The following GALNTL6 variants were observed in gnomAD, a reference collection of about 807,000 sequenced individuals.
GALNTL6 encodes the protein polypeptide N-acetylgalactosaminyltransferase-like 6.
A neutral mutation model predicts 73.7 loss-of-function variants in GALNTL6; 46 were observed. That is an observed-to-expected ratio of 0.62 (90% CI 0.49 to 0.80). GALNTL6 has a LOEUF of 0.80. Among genes scored for constraint, GALNTL6 ranks in the 30% least tolerant of loss-of-function variants. The pLI is 0.00. For synonymous variants in GALNTL6, 259 were observed against 263.7 expected (o/e 0.98, Z 0.17); for missense variants, 604 against 755.0 (o/e 0.80, Z 2.34).
At chr4:172,422,450 G>A (rs149720399) in intron 5 of GALNTL6, among the ~76,000 whole-genome samples, 7 of 152,076 alleles carry the variant, frequency 4.6e-5, no homozygotes, top group South Asian at 2.1e-4. Context: ...ATGTCCAACC[G>A]TCCTGATGTT....
chr4:172,494,841 G>A (rs1351932437), intron 5 of GALNTL6, among the ~76,000 whole-genome samples: 2 of 152,146 alleles, frequency 1.3e-5, no homozygotes, highest in Non-Finnish European at 2.9e-5. Flanking sequence ...AGCTGATTAG[G>A]TGGTGCCCAC....
rs376844621 is a variant in GALNTL6, at chr4:171,991,712, A to ATGTG, written c.138+177010_138+177013dup. ...TAGACCAGAAGTTGAGTTTGATTAT[A>ATGTG]TGTGTGTGTGTGTGTGTGTATATAT... On this transcript the variant is annotated intron_variant, in intron 2 of 12. Coordinates refer to ENST00000506823, the MANE Select transcript of GALNTL6 (RefSeq NM_001034845.3). Among the ~76,000 whole-genome samples the ATGTG allele has an allele frequency of 4.7e-3, 643 of 137,280 alleles. 3 individuals carry two copies. Among genetic ancestry groups the ATGTG allele is most frequent in the Admixed American group, 9.0e-3 (119 of 13,292 alleles). The allele number at this position is 137,280 out of a possible 152,430, so 90.1% of individuals were successfully genotyped here. A position where few individuals can be genotyped will look rare whatever the true frequency, so the allele number is the denominator to read the frequency against.
At chr4:172,544,945 A>G (rs1191690692) in intron 5 of GALNTL6, among the ~76,000 whole-genome samples, 1 of 152,180 alleles carries the variant, frequency 6.6e-6, no homozygotes, top group Non-Finnish European at 1.5e-5. Flanking sequence ...CATGAATTAT[A>G]CTTCTGCAAA....
intron 12 of GALNTL6, among the ~76,000 whole-genome samples, chr4:173,024,859 A>G (rs948692852): frequency 2.0e-5 from 3 of 152,164 alleles, no homozygotes; most frequent in Non-Finnish European, 4.4e-5. Context: ...GATTACAGGC[A>G]CAAGCCACCG....
intron 2 of GALNTL6, among the ~76,000 whole-genome samples, chr4:172,064,688 T>G (rs1199523762): frequency 6.6e-6 from 1 of 152,148 alleles, no homozygotes; most frequent in African/African-American, 2.4e-5. Flanking sequence ...ACAGTTGATA[T>G]CACCTCTTTC....
intron 5 of GALNTL6, among the ~76,000 whole-genome samples, chr4:172,774,980 TA>T (rs1738991843): frequency 6.8e-6 from 1 of 148,034 alleles, no homozygotes; most frequent in Non-Finnish European, 1.5e-5. Context: ...ATAATAATAA[TA>T]ATAATAATAA....
chr4:172,088,719 T>C (rs1052527503), intron 2 of GALNTL6, among the ~76,000 whole-genome samples: 1 of 152,210 alleles, frequency 6.6e-6, no homozygotes, highest in African/African-American at 2.4e-5. Flanking sequence ...AAGGCAACTC[T>C]GTTTCTCTTT....
intron 7 of GALNTL6, among the ~76,000 whole-genome samples, chr4:172,878,703 C>T (rs1398911516): frequency 6.6e-6 from 1 of 150,726 alleles, no homozygotes; most frequent in East Asian, 1.9e-4. Context: ...AAAAAGAAGA[C>T]AAAAAATGGG....
rs1246752961 is a variant in GALNTL6, at chr4:172,813,530, C to A, written c.740-10C>A. The A allele has an allele frequency of 3.2e-6, 5 of 1,585,284 alleles. No individual in the cohort carries two copies. In the East Asian group the frequency reaches 1.1e-4, roughly 36 times the overall value. Reference sequence around the variant, plus strand: ...CATGTCATTTCCTATTTTGTGCTTTCATTTTTCAGACCAAATTGCACTAAA... The same window carrying A: ...CATGTCATTTCCTATTTTGTGCTTTAATTTTTCAGACCAAATTGCACTAAA... On this transcript the variant is annotated splice_polypyrimidine_tract_variant and intron_variant, in intron 6 of 12. Transcript: ENST00000506823.
At chr4:172,045,116 C>A (rs973123029) in intron 2 of GALNTL6, among the ~76,000 whole-genome samples, 2 of 151,904 alleles carry the variant, frequency 1.3e-5, no homozygotes, top group Non-Finnish European at 1.5e-5. Context: ...TTAATATATT[C>A]TTTTTGATAT....
At chr4:172,579,799 AGGG>A (rs1737101988) in intron 5 of GALNTL6, among the ~76,000 whole-genome samples, 2 of 20,066 alleles carry the variant, frequency 1.0e-4, no homozygotes, top group Non-Finnish European at 7.7e-4. Context: ...GGAAGGAAGG[AGGG>A]AAGGAAGGAG....
chr4:172,429,718 A>T (rs759057041), intron 5 of GALNTL6, among the ~76,000 whole-genome samples: 4 of 152,200 alleles, frequency 2.6e-5, no homozygotes, highest in Admixed American at 6.6e-5. Flanking sequence ...AGTCTTACTT[A>T]GAAGAAGATA....
At chr4:172,198,279 C>CA (rs71592054) in intron 2 of GALNTL6, among the ~76,000 whole-genome samples, 1,984 of 143,496 alleles carry the variant, frequency 0.014, 47 homozygotes, top group African/African-American at 0.044. Context: ...ATCTGCACAT[C>CA]AAAAAAAAAA....
At chr4:172,564,629 G>A (rs973046980) in intron 5 of GALNTL6, among the ~76,000 whole-genome samples, 1 of 152,156 alleles carries the variant, frequency 6.6e-6, no homozygotes, top group African/African-American at 2.4e-5. Flanking sequence ...ATGCTGTAAT[G>A]GCAAACATAA....
intron 2 of GALNTL6, among the ~76,000 whole-genome samples, chr4:171,947,313 G>C (rs555002752): frequency 6.6e-6 from 1 of 152,092 alleles, no homozygotes; most frequent in South Asian, 2.1e-4. Context: ...ACCTGGCAGG[G>C]TTGAGAAGCT....
chr4:172,204,970 C>T (rs1736060343), intron 2 of GALNTL6, among the ~76,000 whole-genome samples: 1 of 152,182 alleles, frequency 6.6e-6, no homozygotes, highest in African/African-American at 2.4e-5. Context: ...ACTAATTCTA[C>T]TGTAGCTTAT....
At chr4:172,593,593 C>G (rs181746753) in intron 5 of GALNTL6, among the ~76,000 whole-genome samples, 3 of 151,774 alleles carry the variant, frequency 2.0e-5, no homozygotes, top group African/African-American at 7.2e-5. Context: ...CTGTGAGACT[C>G]TTAGTGGATA....
chr4:172,336,765 T>G (rs167990), intron 4 of GALNTL6, among the ~76,000 whole-genome samples: 150,935 of 152,228 alleles, frequency 0.99, 74,841 homozygotes, highest in Middle Eastern at 1. Context: ...AAGTACAGTT[T>G]ATCAAGTGTT....
rs116182260 is a variant in GALNTL6 at position 171,923,710 on chromosome 4, G to C, written c.138+108992G>C. 4.7e-3 allele frequency among the ~76,000 whole-genome samples: 706 copies of C among 150,872 alleles called. 13 individuals are homozygous for C. The highest frequency in any genetic ancestry group is 0.016 in the African/African-American group (673 of 41,034). The stretch of plus-strand genomic sequence containing the variant: ...TGTGGACCCTGACATTTTTTAAAAA[G>C]GCTTACTGGAATTATATCTCAGTAG... On this transcript the variant is annotated intron_variant, in intron 2 of 12. Transcript: ENST00000506823.
Sources: gnomAD v4.1 joint callset for allele counts (sites outside exome capture counted in the v4.1 genomes callset) on GRCh38, gnomAD v4.1.1 for gene constraint, MANE v1.5 for transcripts, NCBI Gene and HGNC (gene_info 2026-07-23, HGNC 2026-07-21) for gene names.